Variants in DAPK1 observed in about 807,000 individuals in gnomAD.
DAPK1 encodes death associated protein kinase 1, also known as death-associated protein kinase 1.
DAPK1 carries 56 observed loss-of-function variants against 144.9 expected under a neutral mutation model. The ratio of observed to expected loss-of-function variants is 0.39; its 90% confidence interval spans 0.31 to 0.48. The LOEUF (loss-of-function observed/expected upper bound fraction) is 0.48, where lower values mean the gene tolerates loss of function less well. DAPK1 is among the 20% of genes least tolerant of loss of function. The pLI is 0.95. For missense variants in DAPK1, 1,454 were observed against 1,875.4 expected, an observed-to-expected ratio of 0.78 and a Z score of 4.15; for synonymous variants, 690 against 749.0, an observed-to-expected ratio of 0.92 and a Z score of 1.29.
Position 87,668,591 on chromosome 9 carries a change from C to A in DAPK1, c.1924-6C>A. ...GAAAAGAAACTAATGCATTTTTCTC[C>A]AACAGGACGGAAAGACGGCAGAAGA... On this transcript the variant is annotated splice_region_variant and splice_polypyrimidine_tract_variant and intron_variant, in intron 18 of 25. Coordinates refer to ENST00000408954, the MANE Select transcript of DAPK1 (RefSeq NM_004938.4). 1.5e-6 allele frequency: 2 copies of A among 1,327,214 alleles called. No individual in the cohort carries two copies. The highest frequency in any genetic ancestry group is 2.2e-6 in the Non-Finnish European group (2 of 917,686). 82.2% of individuals were successfully genotyped at this position (1,327,214 alleles called of 1,614,324 possible). A position where few individuals can be genotyped will look rare whatever the true frequency, so the allele number is the denominator to read the frequency against.
Position 87,668,645 on chromosome 9 carries a change from G to T in DAPK1, c.1972G>T (p.Val658Leu), listed in dbSNP as rs55994363. The change falls in exon 19 of 26, where the codon GTA becomes TTA. Residue 658 changes from valine (V) to leucine (L), a missense_variant. By Grantham distance (32) the Val-to-Leu change is conservative. This residue lies in a region of DAPK1 where 1,025 missense variants were observed against 1,237.9 expected (regional missense o/e 0.83). Coordinates refer to ENST00000408954, the MANE Select transcript of DAPK1 (RefSeq NM_004938.4). ...TGCTAGATCGGAACAGCACGAGCAC[G>T]TAGCAGGTCTCCTTGCAAGACTTCG... ...DLARSEQHEH[V>L]AGLLARLRKD... The T allele has an allele frequency of 2.8e-3, 4,050 of 1,458,654 alleles. 13 individuals carry two copies. The highest frequency in any genetic ancestry group is 3.7e-3 in the South Asian group (323 of 88,116). 90.4% of individuals were successfully genotyped at this position (1,458,654 alleles called of 1,614,324 possible).
intron 3 of DAPK1, among the ~76,000 whole-genome samples, chr9:87,622,301 T>C (rs1012818840): frequency 1.3e-5 from 2 of 152,056 alleles, no homozygotes; most frequent in African/African-American, 4.8e-5. Context: ...TGTGAATCCT[T>C]CGTAGGTGTG....
chr9:87,681,685 C>T (rs1298990423), intron 20 of DAPK1, 59 bp downstream of exon 20: 10 of 855,414 alleles, frequency 1.2e-5, no homozygotes, highest in Non-Finnish European at 1.6e-5. Context: ...GCACTCTCTC[C>T]TTTCAAGGTC....
At chr9:87,657,789 A>G (rs971193980) in intron 17 of DAPK1, 9 of 517,272 alleles carry the variant, frequency 1.7e-5, no homozygotes, top group African/African-American at 1.5e-4. Context: ...GCACAGCAGG[A>G]AACTTACTTA....
chr9:87,590,382 AAAAG>A lies in DAPK1; in HGVS notation c.63-14568_63-14565del, dbSNP rs1440457260. On this transcript the variant is annotated intron_variant, in intron 2 of 25. Coordinates refer to ENST00000408954, the MANE Select transcript of DAPK1 (RefSeq NM_004938.4). The stretch of plus-strand genomic sequence containing the variant: ...GATCATTGGCCTCAAAAAAAAAAAA[AAAAG>A]AAAAGAAAAGAAAAGAAAAAGGAAG... Among the ~76,000 whole-genome samples, 95 of 147,640 alleles carry A rather than the reference AAAAG, an allele frequency of 6.4e-4. 1 individual carries two copies. In the South Asian group the frequency reaches 8.4e-3, roughly 13 times the overall value.
chr9:87,621,521 G>A (rs948227208), intron 3 of DAPK1, among the ~76,000 whole-genome samples: 5 of 152,088 alleles, frequency 3.3e-5, no homozygotes, highest in African/African-American at 4.8e-5. Context: ...AGTCTTCATC[G>A]TCTTCCTTGT....
chr9:87,569,177 G>A (rs1827243917), intron 2 of DAPK1, among the ~76,000 whole-genome samples: 1 of 152,274 alleles, frequency 6.6e-6, no homozygotes, highest in South Asian at 2.1e-4. Flanking sequence ...GACTTAATTG[G>A]TGTGGAGTCT....
intron 3 of DAPK1, among the ~76,000 whole-genome samples, chr9:87,634,610 G>T (rs986499357): frequency 6.6e-6 from 1 of 152,218 alleles, no homozygotes; most frequent in African/African-American, 2.4e-5. Flanking sequence ...GCCTGAAGGA[G>T]GATGGCACAA....
At chr9:87,666,473 TTTTG>T (rs1215829531) in intron 18 of DAPK1, among the ~76,000 whole-genome samples, 1 of 144,592 alleles carries the variant, frequency 6.9e-6, no homozygotes, top group Non-Finnish European at 1.5e-5. Context: ...ATGTTTTTGT[TTTTG>T]TTTTTTTTTT....
chr9:87,689,773 C>T lies in DAPK1; in HGVS notation c.2413+3034C>T, dbSNP rs117862825. On this transcript the variant is annotated intron_variant, in intron 21 of 25. Coordinates refer to ENST00000408954, the MANE Select transcript of DAPK1 (RefSeq NM_004938.4). ...TTATTTACAAGGGTGTTCTTTTCCCCAGTATGTGTTCTTATTGCCTCTGTC... is the reference window on the plus strand; with the variant it reads ...TTATTTACAAGGGTGTTCTTTTCCCTAGTATGTGTTCTTATTGCCTCTGTC... 0.01 allele frequency among the ~76,000 whole-genome samples: 1,533 copies of T among 152,164 alleles called. 73 individuals carry two copies. In the East Asian group the frequency reaches 0.14, roughly 14 times the overall value.
intron 2 of DAPK1, among the ~76,000 whole-genome samples, chr9:87,596,263 G>C (rs1828313517): frequency 6.6e-6 from 1 of 152,216 alleles, no homozygotes; most frequent in Admixed American, 6.5e-5. Flanking sequence ...GGTGAAGTCA[G>C]TATAGATACG....
chr9:87,521,797 T>G lies in DAPK1; in HGVS notation c.62+22658T>G, dbSNP rs75340963. ...ATCCCCTCAAAACTCATGTTCAAAC[T>G]TAATCTCCAGTATGGCAGTGTTGAG... On this transcript the variant is annotated intron_variant, in intron 2 of 25. Coordinates refer to ENST00000408954, the MANE Select transcript of DAPK1 (RefSeq NM_004938.4). Among the ~76,000 whole-genome samples the G allele has an allele frequency of 5.8e-3, 886 of 152,358 alleles. 14 individuals are homozygous for G. Among genetic ancestry groups the G allele is most frequent in the African/African-American group, 0.02 (840 of 41,584 alleles).
At chr9:87,501,511 C>T (rs931768385) in intron 2 of DAPK1, among the ~76,000 whole-genome samples, 6 of 151,716 alleles carry the variant, frequency 4.0e-5, no homozygotes, top group Non-Finnish European at 7.4e-5. Context: ...CGCCACTGCC[C>T]TCCAGCCTGG....
intron 2 of DAPK1, among the ~76,000 whole-genome samples, chr9:87,593,935 C>T (rs1390796026): frequency 2.0e-5 from 3 of 152,194 alleles, no homozygotes; most frequent in South Asian, 2.1e-4. Flanking sequence ...TGACCAGAAC[C>T]ACTCGAGAGC....
chr9:87,577,085 T>A (rs529724587), intron 2 of DAPK1, among the ~76,000 whole-genome samples: 2 of 152,296 alleles, frequency 1.3e-5, no homozygotes, highest in East Asian at 3.9e-4. Context: ...AGAGATAATA[T>A]TCTGGTTTGT....
chr9:87,561,784 T>G (rs962560726), intron 2 of DAPK1, among the ~76,000 whole-genome samples: 3 of 152,166 alleles, frequency 2.0e-5, no homozygotes, highest in Non-Finnish European at 4.4e-5. Context: ...TGGGGCTGTG[T>G]GTGGACAGTG....
intron 2 of DAPK1, among the ~76,000 whole-genome samples, chr9:87,596,813 C>T (rs1203599926): frequency 1.3e-5 from 2 of 152,190 alleles, no homozygotes; most frequent in South Asian, 2.1e-4. Context: ...CACTCCAAAA[C>T]GTGGTAGTTG....
intron 2 of DAPK1, among the ~76,000 whole-genome samples, chr9:87,546,862 G>GA (rs137881323): frequency 0.038 from 5,677 of 149,760 alleles, 364 homozygotes; most frequent in African/African-American, 0.13. Context: ...GCTTTATAAA[G>GA]AAAAAAAAAA....
chr9:87,585,009 C>T (rs1564008187), intron 2 of DAPK1, among the ~76,000 whole-genome samples: 1 of 152,100 alleles, frequency 6.6e-6, no homozygotes, highest in Non-Finnish European at 1.5e-5. Context: ...TCTGTTAAGT[C>T]CATTGCCCAT....
Sources: allele counts gnomAD v4.1 joint callset (sites outside exome capture counted in the v4.1 genomes callset), GRCh38; gene constraint gnomAD v4.1.1; regional missense constraint gnomAD v4.1.1; transcripts MANE v1.5; gene names NCBI Gene and HGNC (gene_info 2026-07-23, HGNC 2026-07-21).